Variants in TPO observed in about 807,000 individuals in gnomAD.
The protein encoded by TPO is thyroid microsomal antigen.
In TPO, 78 loss-of-function variants were observed where a neutral mutation model predicts 96.9. That is an observed-to-expected ratio of 0.81 (90% CI 0.67 to 0.97). TPO has a LOEUF of 0.97. TPO is among the 50% of genes least tolerant of loss of function. The pLI, the probability that TPO is intolerant of heterozygous loss-of-function variation, is 0.00. For missense variants in TPO, 1,252 were observed against 1,274.8 expected (o/e 0.98, Z 0.27); for synonymous variants, 547 against 538.0 (o/e 1.02, Z -0.23).
intron 1 of TPO, among the ~76,000 whole-genome samples, chr2:1,384,845 G>A (rs1661862862): frequency 6.6e-6 from 1 of 152,050 alleles, no homozygotes; most frequent in Non-Finnish European, 1.5e-5. Context: ...ATTGGCTGTG[G>A]GTTTGTCATA....
chr2:1,514,344 A>C (rs1440378604), intron 14 of TPO, among the ~76,000 whole-genome samples: 1 of 152,204 alleles, frequency 6.6e-6, no homozygotes, highest in Non-Finnish European at 1.5e-5. Flanking sequence ...ACACAGTGGG[A>C]ATAATGTCTA....
intron 1 of TPO, among the ~76,000 whole-genome samples, chr2:1,398,697 C>T (rs1005320589): frequency 4.6e-5 from 7 of 152,200 alleles, no homozygotes; most frequent in East Asian, 1.9e-4. Context: ...CCTCCTGCAC[C>T]GCTTGCGTGG....
intron 10 of TPO, among the ~76,000 whole-genome samples, chr2:1,493,213 G>GGGGT (rs1553321300): frequency 7.9e-6 from 1 of 125,878 alleles, no homozygotes; most frequent in Non-Finnish European, 1.7e-5. Context: ...AGTGGGTGGG[G>GGGGT]GGGGGGGTGC....
At chr2:1,422,206 T>G (rs1456721880) in intron 2 of TPO, among the ~76,000 whole-genome samples, 2 of 143,080 alleles carry the variant, frequency 1.4e-5, no homozygotes, top group Non-Finnish European at 3.0e-5. Context: ...CAGGGCAGAG[T>G]GAGCAGGAAG....
intron 6 of TPO, among the ~76,000 whole-genome samples, chr2:1,454,253 G>C (rs1031139383): frequency 5.9e-5 from 9 of 152,164 alleles, no homozygotes; most frequent in African/African-American, 2.2e-4. Flanking sequence ...GAATCTACTG[G>C]TCTATTTGGT....
At chr2:1,396,619 CT>C (rs1281287750) in intron 1 of TPO, among the ~76,000 whole-genome samples, 1 of 152,222 alleles carries the variant, frequency 6.6e-6, no homozygotes, top group Non-Finnish European at 1.5e-5. Flanking sequence ...AGCCGCTGTT[CT>C]TTCCCTCAGA....
chr2:1,428,485 G>A (rs994998373), intron 3 of TPO, among the ~76,000 whole-genome samples: 6 of 152,190 alleles, frequency 3.9e-5, no homozygotes, highest in African/African-American at 1.4e-4. Flanking sequence ...GGACCTATCC[G>A]GGGGATCCAC....
chr2:1,396,940 T>C (rs1227611611), intron 1 of TPO, among the ~76,000 whole-genome samples: 1 of 152,226 alleles, frequency 6.6e-6, no homozygotes, highest in Non-Finnish European at 1.5e-5. Context: ...TCAATGTTTC[T>C]ATGGTATATA....
At chr2:1,527,427 G>C (rs1340971063) in intron 15 of TPO, among the ~76,000 whole-genome samples, 4 of 29,806 alleles carry the variant, frequency 1.3e-4, no homozygotes, top group East Asian at 1.1e-3. Flanking sequence ...CAAATCCTCC[G>C]CCACTGTGAG....
chr2:1,415,463 C>T (rs923871227), intron 2 of TPO, among the ~76,000 whole-genome samples: 1 of 147,038 alleles, frequency 6.8e-6, no homozygotes, highest in South Asian at 2.2e-4. Context: ...CCCGGGGCCC[C>T]TGGAGCAGGT....
intron 2 of TPO, 135 bp from the exon 3 acceptor site, chr2:1,422,910 G>A (rs1573113521): frequency 1.1e-6 from 1 of 891,420 alleles, no homozygotes; most frequent in East Asian, 2.6e-5. Flanking sequence ...AGCGACCCCG[G>A]GACCTGGCTG....
At chr2:1,387,785 C>G (rs755238346) in intron 1 of TPO, among the ~76,000 whole-genome samples, 144 of 152,142 alleles carry the variant, frequency 9.5e-4, no homozygotes, top group Middle Eastern at 3.2e-3. Flanking sequence ...AGGAGAGGCA[C>G]TCGATTTTTA....
intron 1 of TPO, among the ~76,000 whole-genome samples, chr2:1,405,192 T>C (rs1347421007): frequency 6.7e-6 from 1 of 149,952 alleles, no homozygotes; most frequent in Non-Finnish European, 1.5e-5. Context: ...CATTCATCCA[T>C]CCATTCATCC....
Position 1,484,829 on chromosome 2 carries a change from C to T in TPO, c.1572C>T (p.Phe524=), listed in dbSNP as rs1282231889. The change falls in exon 9 of 17, where the codon TTC becomes TTT. Residue 524 remains phenylalanine, a synonymous_variant. Coordinates refer to ENST00000329066, the MANE Select transcript of TPO (RefSeq NM_001206744.2). ...GGCTGTGGCTGCACCAGGCTTTCTT[C>T]AGCCCATGGACATTACTCCGTGGAG... ...LPGLWLHQAF[F]SPWTLLRGGG... 4 of 1,613,994 alleles carry T rather than the reference C, an allele frequency of 2.5e-6. No individual in the cohort carries two copies. Among genetic ancestry groups the T allele is most frequent in the Non-Finnish European group, 2.5e-6 (3 of 1,180,042 alleles).
intron 10 of TPO, among the ~76,000 whole-genome samples, chr2:1,488,813 A>C (rs1671419607): frequency 6.6e-6 from 1 of 151,928 alleles, no homozygotes; most frequent in South Asian, 2.1e-4. Flanking sequence ...CCCTTCCCCC[A>C]TCCCTGTCTT....
intron 7 of TPO, among the ~76,000 whole-genome samples, chr2:1,460,656 TCA>T (rs1167153665): frequency 1.3e-5 from 2 of 152,214 alleles, no homozygotes; most frequent in Non-Finnish European, 2.9e-5. Flanking sequence ...AAAACCAGGC[TCA>T]GAGAAGGAAT....
chr2:1,483,273 C>A (rs138249182), intron 8 of TPO, among the ~76,000 whole-genome samples: 61 of 152,344 alleles, frequency 4.0e-4, no homozygotes, highest in African/African-American at 1.4e-3. Flanking sequence ...GGCCTCAGTT[C>A]TCTGCCTGTG....
At chr2:1,450,869 A>G (rs2885361) in intron 5 of TPO, among the ~76,000 whole-genome samples, 19,510 of 152,254 alleles carry the variant, frequency 0.13, 1,487 homozygotes, top group East Asian at 0.29. Flanking sequence ...AACGAATCTG[A>G]ACACTTTATT....
intron 8 of TPO, among the ~76,000 whole-genome samples, chr2:1,483,426 T>C (rs1293864233): frequency 6.6e-6 from 1 of 152,244 alleles, no homozygotes; most frequent in Admixed American, 6.5e-5. Context: ...CTTTCTATTG[T>C]AGTGAGAAGA....
Sources: allele counts gnomAD v4.1 joint callset (sites outside exome capture counted in the v4.1 genomes callset), GRCh38; gene constraint gnomAD v4.1.1; transcripts MANE v1.5; gene names NCBI Gene and HGNC (gene_info 2026-07-23, HGNC 2026-07-21).